The following SPIDR variants were observed in gnomAD, a reference collection of about 807,000 sequenced individuals.
SPIDR encodes scaffold protein involved in DNA repair.
SPIDR carries 93 observed loss-of-function variants against 104.6 expected under a neutral mutation model. That is an observed-to-expected ratio of 0.89 (90% CI 0.75 to 1.06). SPIDR has a LOEUF of 1.06. Ranked by LOEUF, SPIDR falls within the 50% of genes least tolerant of loss-of-function variation. The pLI is 0.00. For missense variants in SPIDR, 1,154 were observed against 1,111.2 expected, an observed-to-expected ratio of 1.04 and a Z score of -0.55; for synonymous variants, 431 against 416.9, an observed-to-expected ratio of 1.03 and a Z score of -0.41.
intron 8 of SPIDR, chr8:47,527,587 CG>C (rs577589158): frequency 1.9e-4 from 29 of 152,356 alleles, no homozygotes; most frequent in Admixed American, 1.5e-3. Flanking sequence ...ATTTTAGCTT[CG>C]GAAAACACTC....
intron 8 of SPIDR, among the ~76,000 whole-genome samples, chr8:47,460,177 A>G (rs898656997): frequency 5.9e-5 from 9 of 152,116 alleles, no homozygotes; most frequent in African/African-American, 2.2e-4. Context: ...GTTTAAATCC[A>G]TTGTTTGTTT....
chr8:47,729,243 A>C, intron 18 of SPIDR, 169 bp from the exon 19 acceptor site: 1 of 1,440,022 alleles, frequency 6.9e-7, no homozygotes, highest in Non-Finnish European at 9.4e-7. Flanking sequence ...ACCCTATGTG[A>C]ACACAGTCTC....
intron 10 of SPIDR, among the ~76,000 whole-genome samples, chr8:47,659,870 A>G (rs1393431301): frequency 6.6e-6 from 1 of 152,108 alleles, no homozygotes; most frequent in African/African-American, 2.4e-5. Flanking sequence ...AGAATGAAAC[A>G]GCCGGGCCTG....
Position 47,735,750 on chromosome 8 carries a change from A to T in SPIDR, c.*300A>T, listed in dbSNP as rs564437536. ...TATTTAGGCAATATATGAGAAAAAA[A>T]TTTTTTTTGTTCATTTGTAATTTTA... On this transcript the variant is annotated 3_prime_UTR_variant, in exon 20 of 20. Coordinates refer to ENST00000297423, the MANE Select transcript of SPIDR (RefSeq NM_001080394.4). 6.5e-5 allele frequency: 38 copies of T among 586,512 alleles called. No homozygotes were observed. Among genetic ancestry groups the T allele is most frequent in the South Asian group, 3.0e-4 (13 of 42,882 alleles). The allele number at this position is 586,512 out of a possible 1,614,324, so 36.3% of individuals were successfully genotyped here. A position where few individuals can be genotyped will look rare whatever the true frequency, so the allele number is the denominator to read the frequency against.
intron 8 of SPIDR, among the ~76,000 whole-genome samples, chr8:47,501,176 G>C (rs1307885208): frequency 6.6e-6 from 1 of 152,180 alleles, no homozygotes; most frequent in Non-Finnish European, 1.5e-5. Context: ...CCAATTCTGT[G>C]AAGAAAGTCA....
chr8:47,339,929 T>A (rs1554612651), intron 5 of SPIDR, among the ~76,000 whole-genome samples: 1 of 152,106 alleles, frequency 6.6e-6, no homozygotes, highest in Non-Finnish European at 1.5e-5. Context: ...TCCACCTGCC[T>A]CGGCCTCCCA....
intron 10 of SPIDR, among the ~76,000 whole-genome samples, chr8:47,630,215 T>G (rs1006844293): frequency 3.9e-5 from 6 of 152,100 alleles, no homozygotes; most frequent in African/African-American, 1.4e-4. Flanking sequence ...ATAGGAGAAT[T>G]TATTGTTCAC....
At chr8:47,637,279 C>G (rs1352240405) in intron 10 of SPIDR, among the ~76,000 whole-genome samples, 1 of 152,078 alleles carries the variant, frequency 6.6e-6, no homozygotes, top group Non-Finnish European at 1.5e-5. Context: ...TGTAGAATGT[C>G]CTTAACTGTG....
chr8:47,524,144 T>TA (rs2084620862), intron 8 of SPIDR, among the ~76,000 whole-genome samples: 1 of 152,190 alleles, frequency 6.6e-6, no homozygotes, highest in African/African-American at 2.4e-5. Context: ...ACATGTATGC[T>TA]AAAAAAATTA....
intron 8 of SPIDR, among the ~76,000 whole-genome samples, chr8:47,522,993 ATTTAT>A (rs1200925052): frequency 6.6e-6 from 1 of 151,008 alleles, no homozygotes; most frequent in Non-Finnish European, 1.5e-5. Context: ...TTTTTTATTT[ATTTAT>A]TTTATTTTAT....
chr8:47,706,200 G>A (rs1161097897), intron 14 of SPIDR, among the ~76,000 whole-genome samples: 1 of 152,050 alleles, frequency 6.6e-6, no homozygotes, highest in Non-Finnish European at 1.5e-5. Flanking sequence ...AGACCATCCT[G>A]GCTAACATGG....
At chr8:47,627,530 A>C (rs1488193491) in intron 10 of SPIDR, among the ~76,000 whole-genome samples, 4 of 152,208 alleles carry the variant, frequency 2.6e-5, no homozygotes, top group Non-Finnish European at 2.9e-5. Context: ...TTTCATACGA[A>C]AACCAAAGTA....
At chr8:47,348,774 C>T (rs1487419976) in intron 5 of SPIDR, among the ~76,000 whole-genome samples, 1 of 152,186 alleles carries the variant, frequency 6.6e-6, no homozygotes, top group Non-Finnish European at 1.5e-5. Context: ...TCACGTAGTT[C>T]TCGTGCCGTG....
At chr8:47,427,648 C>G (rs2066633997) in intron 7 of SPIDR, among the ~76,000 whole-genome samples, 1 of 152,172 alleles carries the variant, frequency 6.6e-6, no homozygotes, top group African/African-American at 2.4e-5. Context: ...CTCTGTGCAC[C>G]AGATGCAGGG....
At chr8:47,439,755 T>G (rs2069036313) in intron 7 of SPIDR, among the ~76,000 whole-genome samples, 1 of 152,182 alleles carries the variant, frequency 6.6e-6, no homozygotes, top group Non-Finnish European at 1.5e-5. Context: ...CTTGGCCAAC[T>G]TAATAAGGAA....
chr8:47,266,250 C>T (rs2034004435), intron 1 of SPIDR, among the ~76,000 whole-genome samples: 1 of 151,744 alleles, frequency 6.6e-6, no homozygotes, highest in African/African-American at 2.4e-5. Context: ...CCTGCGTCAG[C>T]CTCCCAAGTA....
chr8:47,277,310 T>C (rs1257346223), intron 1 of SPIDR, among the ~76,000 whole-genome samples: 26 of 145,176 alleles, frequency 1.8e-4, no homozygotes, highest in African/African-American at 6.2e-4. Context: ...ATTTATGTTA[T>C]GTTTGTTATG....
At chr8:47,509,651 A>T (rs2082014996) in intron 8 of SPIDR, among the ~76,000 whole-genome samples, 1 of 152,118 alleles carries the variant, frequency 6.6e-6, no homozygotes, top group Admixed American at 6.6e-5. Flanking sequence ...TTTCACATTT[A>T]TTTTCTTACT....
intron 9 of SPIDR, among the ~76,000 whole-genome samples, chr8:47,596,261 G>A (rs2061606159): frequency 6.6e-6 from 1 of 152,094 alleles, no homozygotes. Flanking sequence ...TATTAAAATA[G>A]AGTCATGCAT....
Sources: gnomAD v4.1 joint callset for allele counts (sites outside exome capture counted in the v4.1 genomes callset) on GRCh38, gnomAD v4.1.1 for gene constraint, MANE v1.5 for transcripts, NCBI Gene and HGNC (gene_info 2026-07-23, HGNC 2026-07-21) for gene names.